COP1: variants seen among roughly 807,000 people sequenced by gnomAD.
COP1 encodes the protein COP1 E3 ubiquitin ligase.
In COP1, 24 loss-of-function variants were observed where a neutral mutation model predicts 101.3. The ratio of observed to expected loss-of-function variants is 0.24; its 90% CI spans 0.17 to 0.33. COP1 has a LOEUF of 0.33. Ranked by LOEUF, COP1 falls within the 10% of genes least tolerant of loss-of-function variation. The probability of loss-of-function intolerance (pLI) is 1.00; values close to 1 mark genes in which losing one functional copy is unlikely to be tolerated. For missense variants in COP1, 663 were observed against 906.2 expected, an observed-to-expected ratio of 0.73 and a Z score of 3.45; for synonymous variants, 347 against 341.9, an observed-to-expected ratio of 1.01 and a Z score of -0.17.
chr1:175,987,770 G>A (rs1571419572), intron 17 of COP1, among the ~76,000 whole-genome samples: 1 of 152,164 alleles, frequency 6.6e-6, no homozygotes, highest in African/African-American at 2.4e-5. Context: ...GGCATTAGAT[G>A]TATCAGAGCA....
chr1:176,126,488 C>T (rs544125564), intron 8 of COP1, among the ~76,000 whole-genome samples: 1 of 152,044 alleles, frequency 6.6e-6, no homozygotes, highest in East Asian at 1.9e-4. Flanking sequence ...GATGGAGTCT[C>T]GCTCTGTCAC....
chr1:176,125,155 A>G (rs991895369), intron 8 of COP1, among the ~76,000 whole-genome samples: 3 of 152,102 alleles, frequency 2.0e-5, no homozygotes, highest in African/African-American at 7.2e-5. Context: ...TCTGGTTATT[A>G]ATCCCTTGTC....
intron 8 of COP1, among the ~76,000 whole-genome samples, 165 bp downstream of exon 8, chr1:176,134,845 A>G (rs1457969090): frequency 2.6e-5 from 4 of 152,208 alleles, no homozygotes; most frequent in East Asian, 1.9e-4. Context: ...ATGAAATCCA[A>G]CGCATTAAGG....
At chr1:176,169,882 G>A (rs1479036344) in intron 3 of COP1, among the ~76,000 whole-genome samples, 4 of 152,218 alleles carry the variant, frequency 2.6e-5, no homozygotes, top group Non-Finnish European at 5.9e-5. Flanking sequence ...TTCTTTCAAA[G>A]TTAGTCAACC....
intron 9 of COP1, among the ~76,000 whole-genome samples, chr1:176,096,669 ATT>A (rs142942753): frequency 6.6e-6 from 1 of 150,392 alleles, no homozygotes; most frequent in African/African-American, 2.4e-5. Flanking sequence ...ACGTGAGAGG[ATT>A]TTTTTTTTCC....
At chr1:176,078,782 C>T (rs1036602199) in intron 11 of COP1, among the ~76,000 whole-genome samples, 2 of 151,472 alleles carry the variant, frequency 1.3e-5, no homozygotes, top group African/African-American at 4.9e-5. Flanking sequence ...CTACAAGAAA[C>T]TTAAAAAAAA....
intron 19 of COP1, among the ~76,000 whole-genome samples, chr1:175,946,452 G>A (rs1454950575): frequency 6.6e-6 from 1 of 152,158 alleles, no homozygotes; most frequent in Non-Finnish European, 1.5e-5. Context: ...AAACACACAC[G>A]TTATGTTAAA....
intron 11 of COP1, among the ~76,000 whole-genome samples, chr1:176,059,441 A>G (rs1210871211): frequency 6.6e-6 from 1 of 152,026 alleles, no homozygotes; most frequent in Non-Finnish European, 1.5e-5. Context: ...AAGACACTAT[A>G]ATTTTTTAAA....
intron 5 of COP1, among the ~76,000 whole-genome samples, chr1:176,153,620 A>T (rs1692976419): frequency 6.6e-6 from 1 of 152,082 alleles, no homozygotes. Context: ...TTCCATCACC[A>T]TGTTGAATAA....
At chr1:176,057,070 G>T (rs1673643084) in intron 11 of COP1, among the ~76,000 whole-genome samples, 2 of 152,120 alleles carry the variant, frequency 1.3e-5, no homozygotes, top group African/African-American at 4.8e-5. Context: ...GCATAGAAAT[G>T]AAATCCATTT....
intron 11 of COP1, among the ~76,000 whole-genome samples, chr1:176,051,988 T>A (rs1016006449): frequency 2.6e-5 from 4 of 151,808 alleles, no homozygotes; most frequent in Non-Finnish European, 5.9e-5. Flanking sequence ...AAGAAAAAAA[T>A]TTAGATAAAT....
At chr1:176,015,216 C>A (rs370585976) in intron 15 of COP1, among the ~76,000 whole-genome samples, 18 of 152,090 alleles carry the variant, frequency 1.2e-4, no homozygotes, top group Non-Finnish European at 2.2e-4. Flanking sequence ...AAAGCAGGAA[C>A]GCAGGATAAA....
chr1:176,111,222 G>C (rs1295193242), intron 9 of COP1, among the ~76,000 whole-genome samples: 1 of 152,116 alleles, frequency 6.6e-6, no homozygotes, highest in Non-Finnish European at 1.5e-5. Flanking sequence ...TAATAAATAT[G>C]AATAGTTCAA....
chr1:176,001,689 C>G (rs1661643447), intron 15 of COP1, among the ~76,000 whole-genome samples: 1 of 152,024 alleles, frequency 6.6e-6, no homozygotes, highest in Admixed American at 6.6e-5. Context: ...TTATCTTAAC[C>G]AGTTCTCTTT....
intron 3 of COP1, among the ~76,000 whole-genome samples, chr1:176,167,616 C>A (rs1385668709): frequency 6.6e-6 from 1 of 152,086 alleles, no homozygotes; most frequent in Non-Finnish European, 1.5e-5. Flanking sequence ...CAGAGCCTTA[C>A]AACATCCACA....
intron 11 of COP1, among the ~76,000 whole-genome samples, chr1:176,054,526 G>T (rs1300467957): frequency 6.6e-6 from 1 of 152,032 alleles, no homozygotes; most frequent in African/African-American, 2.4e-5. Context: ...CTTTCCAAAG[G>T]CTCCCACTAA....
At chr1:176,200,515 C>A (rs542692250) in intron 1 of COP1, among the ~76,000 whole-genome samples, 2 of 152,064 alleles carry the variant, frequency 1.3e-5, no homozygotes, top group Admixed American at 1.3e-4. Context: ...AATGTACCAC[C>A]CCAAACCACA....
intron 5 of COP1, among the ~76,000 whole-genome samples, chr1:176,159,305 C>A (rs1050410799): frequency 2.0e-5 from 3 of 152,102 alleles, no homozygotes; most frequent in African/African-American, 7.2e-5. Context: ...TGAAGAAATT[C>A]TCAGCTGTAC....
intron 14 of COP1, among the ~76,000 whole-genome samples, chr1:176,030,249 C>A (rs1394739380): frequency 6.6e-6 from 1 of 152,146 alleles, no homozygotes; most frequent in African/African-American, 2.4e-5. Flanking sequence ...TCACGACATA[C>A]AATTCTAAGA....
Sources: allele counts gnomAD v4.1 joint callset (sites outside exome capture counted in the v4.1 genomes callset), GRCh38; gene constraint gnomAD v4.1.1; transcripts MANE v1.5; gene names NCBI Gene and HGNC (gene_info 2026-07-23, HGNC 2026-07-21).